LRRC72: variants seen among roughly 807,000 people sequenced by gnomAD.
LRRC72 encodes the protein leucine rich repeat containing 72.
LRRC72 carries 41 observed loss-of-function variants against 35.8 expected under a neutral mutation model. The observed-to-expected ratio is 1.15, with a 90% CI of 0.89 to 1.49. The LOEUF (loss-of-function observed/expected upper bound fraction) is 1.49. LRRC72 is among the 40% of genes most tolerant of loss of function. LRRC72 has a pLI of 0.00. For synonymous variants in LRRC72, 118 were observed against 119.2 expected (o/e 0.99, Z 0.07); for missense variants, 389 against 330.7 (o/e 1.18, Z -1.37).
Position 16,526,999 on chromosome 7 carries a change from G to GC in LRRC72, c.49dup (p.Leu17ProfsTer17). On this transcript the variant is annotated frameshift_variant, in exon 1 of 9. Coordinates refer to ENST00000401542, the MANE Select transcript of LRRC72 (RefSeq NM_001195280.2). LOFTEE classifies it high-confidence loss of function. The stretch of plus-strand genomic sequence containing the variant: ...GTGCCCCGTACCTTGCGATGCTGGC[G>GC]CCTACGGAGGGCATCCGAAACTGCC... The GC allele has an allele frequency of 6.5e-7, 1 of 1,539,884 alleles. No individual in the cohort carries two copies. Among genetic ancestry groups the GC allele is most frequent in the Non-Finnish European group, 8.7e-7 (1 of 1,146,922 alleles).
At chr7:16,544,984 TAAC>T (rs1237526325) in intron 3 of LRRC72, among the ~76,000 whole-genome samples, 1 of 152,226 alleles carries the variant, frequency 6.6e-6, no homozygotes, top group Non-Finnish European at 1.5e-5. Flanking sequence ...ATATTTATAA[TAAC>T]ATCACTCACA....
At chr7:16,552,587 A>G (rs1361036759) in intron 3 of LRRC72, among the ~76,000 whole-genome samples, 1 of 152,228 alleles carries the variant, frequency 6.6e-6, no homozygotes, top group African/African-American at 2.4e-5. Context: ...AACCATATGA[A>G]TCTATCTAGC....
chr7:16,575,039 C>T (rs79615324), intron 7 of LRRC72, among the ~76,000 whole-genome samples: 1 of 148,492 alleles, frequency 6.7e-6, no homozygotes, highest in Non-Finnish European at 1.5e-5. Flanking sequence ...CGGTTGGACC[C>T]GGGAGTTGGA....
chr7:16,579,983 T>G lies in LRRC72; in HGVS notation c.671-91T>G, dbSNP rs112469933. The G allele has an allele frequency of 1.2e-4, 34 of 285,290 alleles. 1 individual carries two copies. The highest frequency in any genetic ancestry group is 1.9e-3 in the Middle Eastern group (2 of 1,068). The allele number at this position is 285,290 out of a possible 1,614,324, so 17.7% of individuals were successfully genotyped here. On this transcript the variant is annotated intron_variant, in intron 7 of 8. Transcript: ENST00000401542. The stretch of plus-strand genomic sequence containing the variant: ...TAACTTGAAAACAGAAAGCCCTGCT[T>G]TATACTTTTCCTTTATAGCATTGTT...
At chr7:16,544,454 C>T (rs566949257) in intron 3 of LRRC72, among the ~76,000 whole-genome samples, 2 of 152,210 alleles carry the variant, frequency 1.3e-5, no homozygotes, top group African/African-American at 4.8e-5. Context: ...TTCCTAACAC[C>T]CGCTGACATA....
intron 3 of LRRC72, among the ~76,000 whole-genome samples, chr7:16,553,513 T>A (rs1189041180): frequency 6.6e-6 from 1 of 152,232 alleles, no homozygotes; most frequent in African/African-American, 2.4e-5. Flanking sequence ...CAGCTCATAA[T>A]AAGCACTTAA....
chr7:16,577,247 A>C (rs973796302), intron 7 of LRRC72, among the ~76,000 whole-genome samples: 1 of 152,184 alleles, frequency 6.6e-6, no homozygotes, highest in African/African-American at 2.4e-5. Flanking sequence ...CAGAGCTTCC[A>C]TGTTGCATAA....
At chr7:16,538,145 C>G (rs1782295253) in intron 3 of LRRC72, among the ~76,000 whole-genome samples, 1 of 152,120 alleles carries the variant, frequency 6.6e-6, no homozygotes, top group Non-Finnish European at 1.5e-5. Context: ...ATAAGATATG[C>G]CCCCATCTAT....
At chr7:16,535,416 G>C (rs1782237158) in intron 2 of LRRC72, among the ~76,000 whole-genome samples, 1 of 152,132 alleles carries the variant, frequency 6.6e-6, no homozygotes, top group Non-Finnish European at 1.5e-5. Context: ...GGAGGGAACA[G>C]ATGTTCATTA....
chr7:16,568,343 A>G (rs1782885953), intron 7 of LRRC72, among the ~76,000 whole-genome samples: 1 of 152,236 alleles, frequency 6.6e-6, no homozygotes, highest in South Asian at 2.1e-4. Flanking sequence ...ACTTCGCCAA[A>G]GAGACAACAT....
intron 3 of LRRC72, among the ~76,000 whole-genome samples, chr7:16,550,114 G>A (rs1782523355): frequency 6.6e-6 from 1 of 152,036 alleles, no homozygotes; most frequent in South Asian, 2.1e-4. Context: ...AGCTACTTGG[G>A]ATGCTGAGGT....
At chr7:16,561,413 G>T (rs1782742002) in intron 5 of LRRC72, among the ~76,000 whole-genome samples, 1 of 152,140 alleles carries the variant, frequency 6.6e-6, no homozygotes. Context: ...CCTAAACAAA[G>T]GTGCCCAGCC....
chr7:16,577,117 T>C (rs1225663482), intron 7 of LRRC72, among the ~76,000 whole-genome samples: 6 of 152,158 alleles, frequency 3.9e-5, no homozygotes, highest in East Asian at 1.9e-4. Flanking sequence ...CTGCTACCTA[T>C]GCATGAAGGT....
chr7:16,573,854 G>C (rs894916171), intron 7 of LRRC72, among the ~76,000 whole-genome samples: 1 of 152,196 alleles, frequency 6.6e-6, no homozygotes, highest in Non-Finnish European at 1.5e-5. Flanking sequence ...ACTGTCATCA[G>C]AGTGAATAGG....
intron 6 of LRRC72, 34 bp downstream of exon 6, chr7:16,566,436 G>C (rs1280411645): frequency 7.0e-7 from 1 of 1,419,316 alleles, no homozygotes; most frequent in Admixed American, 2.2e-5. Context: ...AGAAATATTT[G>C]AGAAGTAGTC....
chr7:16,571,493 C>T (rs1430780233), intron 7 of LRRC72, among the ~76,000 whole-genome samples: 1 of 152,192 alleles, frequency 6.6e-6, no homozygotes, highest in East Asian at 1.9e-4. Flanking sequence ...ACCGAGGTAC[C>T]TGGCTTACCT....
At chr7:16,574,940 A>AC (rs935355498) in intron 7 of LRRC72, among the ~76,000 whole-genome samples, 10 of 151,868 alleles carry the variant, frequency 6.6e-5, no homozygotes, top group Non-Finnish European at 1.5e-4. Context: ...ATATGGTTAA[A>AC]CCCCGTCTCT....
intron 7 of LRRC72, among the ~76,000 whole-genome samples, chr7:16,574,891 G>A (rs533730750): frequency 2.7e-4 from 41 of 152,006 alleles, no homozygotes; most frequent in Non-Finnish European, 4.1e-4. Context: ...CAAGGCAGGC[G>A]GATAATTTGA....
chr7:16,533,004 T>C (rs1782194961), intron 2 of LRRC72, among the ~76,000 whole-genome samples: 1 of 152,146 alleles, frequency 6.6e-6, no homozygotes, highest in Non-Finnish European at 1.5e-5. Context: ...ATATCCTGTA[T>C]TTTATCTGGC....
Sources: gnomAD v4.1 joint callset for allele counts (sites outside exome capture counted in the v4.1 genomes callset) on GRCh38, gnomAD v4.1.1 for gene constraint, MANE v1.5 for transcripts, NCBI Gene and HGNC (gene_info 2026-07-23, HGNC 2026-07-21) for gene names.